Variants in VSTM5 observed in about 807,000 individuals in gnomAD.
The protein encoded by VSTM5 is V-set and transmembrane domain containing 5.
In VSTM5, 21 loss-of-function variants were observed where a neutral mutation model predicts 20.3. That is an observed-to-expected ratio of 1.03 (90% CI 0.73 to 1.49). The LOEUF is 1.49. Ranked by LOEUF, VSTM5 falls within the 40% of genes most tolerant of loss-of-function variation. VSTM5 has a pLI of 0.00. For synonymous variants in VSTM5, 100 were observed against 102.5 expected (o/e 0.98, Z 0.14); for missense variants, 219 against 250.0 (o/e 0.88, Z 0.84).
In VSTM5 at chr11:93,820,733, A is replaced by AG. The variant is rs1565298257; in HGVS notation, c.559+9dup. ...CCACTCATGGATTATCACAAGGCCC[A>AG]GGGGGTTACCTTTGAGTTTGTGTCT... On this transcript the variant is annotated intron_variant, in intron 3 of 3. Transcript: ENST00000409977. 6.4e-7 allele frequency: 1 copy of AG among 1,551,634 alleles called. No individual in the cohort carries two copies. The highest frequency in any genetic ancestry group is 1.4e-5 in the African/African-American group (1 of 73,052).
rs111774445 is a variant in VSTM5 at position 93,837,427 on chromosome 11, C to T, written c.91+12985G>A. 5.0e-3 allele frequency among the ~76,000 whole-genome samples: 758 copies of T among 152,246 alleles called. 12 individuals are homozygous for T. The highest frequency in any genetic ancestry group is 0.017 in the African/African-American group (718 of 41,530). On this transcript the variant is annotated intron_variant, in intron 1 of 3. Transcript: ENST00000409977. ...TGCTACGTATGCCCTCATGCACACACAGCCCAGTTTCTGAGTTCCTGGCAA... is the reference window on the plus strand; with the variant it reads ...TGCTACGTATGCCCTCATGCACACATAGCCCAGTTTCTGAGTTCCTGGCAA...
intron 1 of VSTM5, among the ~76,000 whole-genome samples, chr11:93,836,170 T>C (rs1259327981): frequency 6.6e-6 from 1 of 152,204 alleles, no homozygotes; most frequent in Non-Finnish European, 1.5e-5. Flanking sequence ...TTGTGTGCTC[T>C]TTCTTCTACC....
chr11:93,850,365 T>G, intron 1 of VSTM5, 47 bp downstream of exon 1: 18 of 1,126,134 alleles, frequency 1.6e-5, no homozygotes, highest in Non-Finnish European at 2.0e-5. Context: ...CGTGCCCCCC[T>G]ACCCATTCCC....
At chr11:93,832,172 A>G (rs571937042) in intron 1 of VSTM5, among the ~76,000 whole-genome samples, 9 of 152,348 alleles carry the variant, frequency 5.9e-5, no homozygotes, top group African/African-American at 2.2e-4. Flanking sequence ...TTCACTGGTA[A>G]GGAACCAGTT....
chr11:93,842,299 C>G (rs1333116378), intron 1 of VSTM5, among the ~76,000 whole-genome samples: 2 of 152,200 alleles, frequency 1.3e-5, no homozygotes, highest in Non-Finnish European at 2.9e-5. Context: ...GCTGGTTCTT[C>G]TGCTCCAGAT....
intron 1 of VSTM5, among the ~76,000 whole-genome samples, chr11:93,832,305 T>C (rs1312928534): frequency 6.6e-6 from 1 of 152,220 alleles, no homozygotes; most frequent in Non-Finnish European, 1.5e-5. Context: ...GGCAGAACAG[T>C]GTATAGAGAA....
chr11:93,826,194 C>A (rs137974692), intron 1 of VSTM5, among the ~76,000 whole-genome samples: 1 of 151,916 alleles, frequency 6.6e-6, no homozygotes, highest in Non-Finnish European at 1.5e-5. Flanking sequence ...GAGCTATGAT[C>A]GTGCCATTGC....
chr11:93,838,752 T>C (rs111731610), intron 1 of VSTM5, among the ~76,000 whole-genome samples: 33,740 of 151,460 alleles, frequency 0.22, 4,911 homozygotes, highest in African/African-American at 0.42. Flanking sequence ...GAGCTGAGAT[T>C]GCACCACTGC....
chr11:93,836,854 C>T (rs1269313939), intron 1 of VSTM5, among the ~76,000 whole-genome samples: 1 of 152,012 alleles, frequency 6.6e-6, no homozygotes, highest in Admixed American at 6.6e-5. Flanking sequence ...TCAGTGACTC[C>T]CCTTATAGGG....
At chr11:93,841,342 G>A (rs948567403) in intron 1 of VSTM5, among the ~76,000 whole-genome samples, 6 of 152,186 alleles carry the variant, frequency 3.9e-5, no homozygotes, top group African/African-American at 1.4e-4. Flanking sequence ...ACAAATCCCT[G>A]CTTTTGCTGC....
chr11:93,828,429 C>A (rs1944255328), intron 1 of VSTM5, among the ~76,000 whole-genome samples: 1 of 152,222 alleles, frequency 6.6e-6, no homozygotes, highest in African/African-American at 2.4e-5. Flanking sequence ...GGGTTACTTA[C>A]TCCTTTTCTT....
chr11:93,836,142 A>G (rs557107906), intron 1 of VSTM5, among the ~76,000 whole-genome samples: 1 of 152,194 alleles, frequency 6.6e-6, no homozygotes, highest in African/African-American at 2.4e-5. Context: ...TACCTCCAAC[A>G]TGTAACTTGA....
chr11:93,837,199 T>A (rs934756457), intron 1 of VSTM5, among the ~76,000 whole-genome samples: 26 of 152,088 alleles, frequency 1.7e-4, no homozygotes, highest in Non-Finnish European at 3.7e-4. Context: ...ACCTGGCTAA[T>A]TTTTGTATTT....
chr11:93,821,430 A>T (rs1944185341), intron 1 of VSTM5, 107 bp from the exon 2 acceptor site: 1 of 1,070,042 alleles, frequency 9.3e-7, no homozygotes, highest in Non-Finnish European at 1.3e-6. Flanking sequence ...TGTGCCTATT[A>T]TATGCCAGGA....
rs59949447 is a variant in VSTM5 at position 93,837,011 on chromosome 11, G to GCACACACACACACACACA, written c.91+13383_91+13400dup. 1.3e-3 allele frequency among the ~76,000 whole-genome samples: 188 copies of GCACACACACACACACACA among 140,824 alleles called. 3 individuals carry two copies. The East Asian group carries it at 0.032, about 24-fold the overall frequency. 92.4% of individuals were successfully genotyped at this position (140,824 alleles called of 152,430 possible). ...CTTCTTTTTGCCTGAAAAAAAAAATGCACACACACACACACACACACACAC... is the reference window on the plus strand; with the variant it reads ...CTTCTTTTTGCCTGAAAAAAAAAATGCACACACACACACACACACACACACACACACACACACACACAC... On this transcript the variant is annotated intron_variant, in intron 1 of 3. Transcript: ENST00000409977.
chr11:93,848,688 T>C (rs1212078656), intron 1 of VSTM5, among the ~76,000 whole-genome samples: 1 of 152,218 alleles, frequency 6.6e-6, no homozygotes, highest in African/African-American at 2.4e-5. Flanking sequence ...TTTGCATGTC[T>C]GTCTTCTCCA....
intron 1 of VSTM5, among the ~76,000 whole-genome samples, chr11:93,832,325 TTAAA>T (rs1430089845): frequency 2.6e-5 from 4 of 152,196 alleles, no homozygotes; most frequent in East Asian, 3.8e-4. Context: ...ATGATTCCAC[TTAAA>T]TAAAGTAATT....
At chr11:93,834,731 T>C (rs1290358) in intron 1 of VSTM5, among the ~76,000 whole-genome samples, 139,115 of 147,702 alleles carry the variant, frequency 0.94, 65,648 homozygotes, top group East Asian at 0.99. Flanking sequence ...TGCAGTGAGC[T>C]GAGATTGTGC....
At position 93,844,847 on chromosome 11, in the gene VSTM5, C is replaced by A. The variant is rs551560337; in HGVS notation, c.91+5565G>T. 3.6e-4 allele frequency among the ~76,000 whole-genome samples: 24 copies of A among 66,772 alleles called. 9 individuals carry two copies. In the East Asian group the frequency reaches 0.019, roughly 52 times the overall value. The allele number at this position is 66,772 out of a possible 152,430, so 43.8% of individuals were successfully genotyped here. A position where few individuals can be genotyped will look rare whatever the true frequency, so the allele number is the denominator to read the frequency against. ...TTCAGTGCAGGGCCCCGCTGCTACC[C>A]CAGCTCTTGGCAAGCTGTTCCAGGC... On this transcript the variant is annotated intron_variant, in intron 1 of 3. Transcript: ENST00000409977.
Sources: allele counts gnomAD v4.1 joint callset (sites outside exome capture counted in the v4.1 genomes callset), GRCh38; gene constraint gnomAD v4.1.1; transcripts MANE v1.5; gene names NCBI Gene and HGNC (gene_info 2026-07-23, HGNC 2026-07-21).